The following CCSER1 variants were observed in gnomAD, a reference collection of about 807,000 sequenced individuals.
CCSER1 encodes the protein coiled-coil serine rich protein 1.
In CCSER1, 41 loss-of-function variants were observed where a neutral mutation model predicts 82.0. The observed-to-expected ratio is 0.50, with a 90% CI of 0.39 to 0.65. The LOEUF (loss-of-function observed/expected upper bound fraction) is 0.65. Ranked by LOEUF, CCSER1 falls within the 30% of genes least tolerant of loss-of-function variation. CCSER1 has a pLI of 0.00. For synonymous variants in CCSER1, 414 were observed against 383.9 expected (o/e 1.08, Z -0.92); for missense variants, 1,119 against 1,064.2 (o/e 1.05, Z -0.72).
At chr4:90,275,197 C>G (rs904308858) in intron 1 of CCSER1, among the ~76,000 whole-genome samples, 1 of 152,084 alleles carries the variant, frequency 6.6e-6, no homozygotes, top group African/African-American at 2.4e-5. Flanking sequence ...TTTGTATCCT[C>G]GACTACTACT....
At chr4:90,653,592 T>C (rs1054468867) in intron 6 of CCSER1, among the ~76,000 whole-genome samples, 1 of 152,126 alleles carries the variant, frequency 6.6e-6, no homozygotes, top group Non-Finnish European at 1.5e-5. Context: ...CATTTTGAAA[T>C]ATCTTATTTT....
chr4:90,213,941 AAG>A (rs1411382183), intron 1 of CCSER1, among the ~76,000 whole-genome samples: 2 of 152,216 alleles, frequency 1.3e-5, no homozygotes, highest in African/African-American at 2.4e-5. Context: ...TTAGCCATAA[AAG>A]AGAGAATAGA....
At chr4:90,988,448 C>T (rs1426359998) in intron 9 of CCSER1, among the ~76,000 whole-genome samples, 2 of 149,620 alleles carry the variant, frequency 1.3e-5, no homozygotes, top group Non-Finnish European at 3.0e-5. Flanking sequence ...TGTTCTTATC[C>T]TACCAATTTA....
intron 3 of CCSER1, among the ~76,000 whole-genome samples, chr4:90,392,944 C>G (rs1477878222): frequency 6.6e-6 from 1 of 152,070 alleles, no homozygotes; most frequent in Non-Finnish European, 1.5e-5. Context: ...ATTGTCTTTT[C>G]AAAAAATAAC....
chr4:91,077,430 A>C (rs1168792010), intron 9 of CCSER1, among the ~76,000 whole-genome samples: 1 of 152,252 alleles, frequency 6.6e-6, no homozygotes, highest in Non-Finnish European at 1.5e-5. Context: ...CATGAGAAAA[A>C]ATAGTAAAAT....
At position 91,188,942 on chromosome 4, in the gene CCSER1, C is replaced by G. The variant is rs558253721; in HGVS notation, c.2217+102948C>G. Among the ~76,000 whole-genome samples the G allele has an allele frequency of 5.9e-5, 9 of 152,026 alleles. No homozygotes were observed. The East Asian group carries it at 1.7e-3, about 29-fold the overall frequency. Reference sequence around the variant, plus strand: ...GTTACTTAATCATGACAAAAAGAGTCTAGGAATTACCAGAGAAATAGAAAA... The same window carrying G: ...GTTACTTAATCATGACAAAAAGAGTGTAGGAATTACCAGAGAAATAGAAAA... On this transcript the variant is annotated intron_variant, in intron 10 of 10. Transcript: ENST00000509176.
At chr4:90,526,757 T>C (rs1300560483) in intron 5 of CCSER1, among the ~76,000 whole-genome samples, 1 of 152,222 alleles carries the variant, frequency 6.6e-6, no homozygotes, top group African/African-American at 2.4e-5. Context: ...ACATTTTCTT[T>C]ATCCAGTCTA....
chr4:90,782,642 A>T (rs1040243786), intron 7 of CCSER1, among the ~76,000 whole-genome samples: 9 of 151,636 alleles, frequency 5.9e-5, no homozygotes, highest in African/African-American at 2.2e-4. Flanking sequence ...TGTTGGGAGA[A>T]GGTGAGAAGT....
At chr4:90,956,220 A>G (rs1288017940) in intron 9 of CCSER1, among the ~76,000 whole-genome samples, 2 of 152,218 alleles carry the variant, frequency 1.3e-5, no homozygotes, top group African/African-American at 2.4e-5. Context: ...TAATTTCAAT[A>G]AAATAAAAAC....
intron 10 of CCSER1, among the ~76,000 whole-genome samples, chr4:91,121,934 T>C (rs1345999123): frequency 6.6e-6 from 1 of 151,688 alleles, no homozygotes; most frequent in African/African-American, 2.4e-5. Flanking sequence ...GTAGAAATTA[T>C]ATATGTGTCA....
chr4:91,083,004 G>A (rs941458071), intron 9 of CCSER1, among the ~76,000 whole-genome samples: 40 of 152,234 alleles, frequency 2.6e-4, no homozygotes, highest in African/African-American at 8.9e-4. Context: ...ACAGTGTGGC[G>A]ATTCCTCAAG....
intron 1 of CCSER1, among the ~76,000 whole-genome samples, chr4:90,303,853 A>G (rs1317705289): frequency 1.3e-5 from 2 of 150,646 alleles, no homozygotes; most frequent in Non-Finnish European, 3.0e-5. Flanking sequence ...CTACCATCAG[A>G]GTGAACAGGC....
chr4:90,611,953 T>C (rs1210979062), intron 5 of CCSER1, among the ~76,000 whole-genome samples: 2 of 151,596 alleles, frequency 1.3e-5, no homozygotes, highest in Admixed American at 6.6e-5. Context: ...AGATATCAGA[T>C]ACTCAAATTT....
intron 3 of CCSER1, among the ~76,000 whole-genome samples, chr4:90,327,855 A>G (rs1355615715): frequency 6.6e-6 from 1 of 152,176 alleles, no homozygotes; most frequent in Admixed American, 6.5e-5. Context: ...TAAAGGTATC[A>G]GTGACTTTGC....
intron 6 of CCSER1, among the ~76,000 whole-genome samples, chr4:90,633,421 A>G (rs1724819793): frequency 6.6e-6 from 1 of 152,038 alleles, no homozygotes; most frequent in South Asian, 2.1e-4. Flanking sequence ...GCCCAAGTCT[A>G]TCAATGGTAG....
rs930659155 is a variant in CCSER1 at position 90,996,709 on chromosome 4, C to T, written c.2172+73262C>T. ...ACCTAGAAAACATTATTTTGTTCTC[C>T]ATTCTAAATTTTTTTCATTTCAAAA... is the stretch of plus-strand genomic sequence containing the variant. On this transcript the variant is annotated intron_variant, in intron 9 of 10. Transcript: ENST00000509176. Among the ~76,000 whole-genome samples, 8 of 152,054 alleles carry T rather than the reference C, an allele frequency of 5.3e-5. No individual in the cohort carries two copies. The East Asian group carries it at 1.5e-3, about 29-fold the overall frequency.
At chr4:90,971,221 C>A (rs2054199343) in intron 9 of CCSER1, among the ~76,000 whole-genome samples, 1 of 151,864 alleles carries the variant, frequency 6.6e-6, no homozygotes, top group African/African-American at 2.4e-5. Flanking sequence ...GTACAGGAGG[C>A]ATGGCTAGGG....
intron 8 of CCSER1, among the ~76,000 whole-genome samples, chr4:90,897,565 A>G (rs1723903036): frequency 6.6e-6 from 1 of 151,996 alleles, no homozygotes; most frequent in African/African-American, 2.4e-5. Flanking sequence ...TGGTTTCATG[A>G]CTTTACTATT....
chr4:90,904,851 A>T (rs935081711), intron 8 of CCSER1, among the ~76,000 whole-genome samples: 6 of 152,216 alleles, frequency 3.9e-5, no homozygotes, highest in Admixed American at 2.0e-4. Context: ...CTCACTTTTC[A>T]TTATGCTCAG....
Sources: allele counts gnomAD v4.1 joint callset (sites outside exome capture counted in the v4.1 genomes callset), GRCh38; gene constraint gnomAD v4.1.1; transcripts MANE v1.5; gene names NCBI Gene and HGNC (gene_info 2026-07-23, HGNC 2026-07-21).